The following MAGI2 variants were observed in gnomAD, a reference collection of about 807,000 sequenced individuals.
MAGI2 encodes membrane associated guanylate kinase, WW and PDZ domain containing 2, also known as membrane-associated guanylate kinase, WW and PDZ domain-containing protein 2.
A neutral mutation model predicts 133.3 loss-of-function variants in MAGI2; 35 were observed. The observed-to-expected ratio is 0.26, with a 90% CI of 0.20 to 0.35. The LOEUF (loss-of-function observed/expected upper bound fraction) is 0.35, where lower values mean the gene tolerates loss of function less well. Ranked by LOEUF, MAGI2 falls within the 10% of genes least tolerant of loss-of-function variation. MAGI2 has a pLI of 1.00. For synonymous variants in MAGI2, 729 were observed against 710.6 expected (o/e 1.03, Z -0.41); for missense variants, 1,636 against 1,863.4 (o/e 0.88, Z 2.25).
At chr7:78,768,101 G>C (rs1239280937) in intron 2 of MAGI2, among the ~76,000 whole-genome samples, 1 of 152,134 alleles carries the variant, frequency 6.6e-6, no homozygotes, top group African/African-American at 2.4e-5. Flanking sequence ...CACATTATCT[G>C]GTTTAAATAT....
intron 2 of MAGI2, among the ~76,000 whole-genome samples, chr7:78,792,456 TAA>T (rs2151372880): frequency 6.6e-6 from 1 of 152,254 alleles, no homozygotes; most frequent in South Asian, 2.1e-4. Context: ...CAAAAGATGA[TAA>T]AAGAGGCAAG....
chr7:78,158,658 A>G (rs1281098665), intron 16 of MAGI2, among the ~76,000 whole-genome samples: 1 of 152,188 alleles, frequency 6.6e-6, no homozygotes, highest in Non-Finnish European at 1.5e-5. Flanking sequence ...GGCCAAGCTA[A>G]CTTTGAGAAG....
intron 9 of MAGI2, among the ~76,000 whole-genome samples, chr7:78,321,612 A>G (rs1256845048): frequency 6.6e-6 from 1 of 152,220 alleles, no homozygotes; most frequent in African/African-American, 2.4e-5. Context: ...CTTATATAAA[A>G]ATTAACTCAA....
chr7:79,440,137 T>C (rs983051825), intron 1 of MAGI2, among the ~76,000 whole-genome samples: 5 of 152,012 alleles, frequency 3.3e-5, no homozygotes, highest in African/African-American at 9.7e-5. Context: ...CCCCTGGCTT[T>C]TCCTCAAACT....
At chr7:78,384,633 A>C (rs1795219062) in intron 6 of MAGI2, among the ~76,000 whole-genome samples, 1 of 152,330 alleles carries the variant, frequency 6.6e-6, no homozygotes, top group Admixed American at 6.5e-5. Flanking sequence ...CAGCCTTTTC[A>C]AATTTAATGA....
chr7:78,308,790 C>A (rs972990217), intron 9 of MAGI2, among the ~76,000 whole-genome samples: 1 of 152,160 alleles, frequency 6.6e-6, no homozygotes, highest in Non-Finnish European at 1.5e-5. Flanking sequence ...TTCAGGTTTT[C>A]ATCATATTAT....
At chr7:78,242,192 C>T (rs551899806) in intron 10 of MAGI2, among the ~76,000 whole-genome samples, 2 of 152,300 alleles carry the variant, frequency 1.3e-5, no homozygotes, top group East Asian at 3.9e-4. Context: ...AGGTACACCA[C>T]CCCTTCCTGG....
At chr7:79,396,290 C>T (rs1585830245) in intron 1 of MAGI2, among the ~76,000 whole-genome samples, 1 of 152,148 alleles carries the variant, frequency 6.6e-6, no homozygotes, top group East Asian at 1.9e-4. Flanking sequence ...TTTCCTTTCA[C>T]CTGGTGGATG....
At chr7:78,392,796 A>G (rs966991373) in intron 6 of MAGI2, among the ~76,000 whole-genome samples, 1 of 152,148 alleles carries the variant, frequency 6.6e-6, no homozygotes, top group Non-Finnish European at 1.5e-5. Context: ...GGCATGCGCC[A>G]CTGCACCTGG....
At chr7:79,045,207 T>A (rs1385955779) in intron 1 of MAGI2, among the ~76,000 whole-genome samples, 1 of 152,184 alleles carries the variant, frequency 6.6e-6, no homozygotes, top group African/African-American at 2.4e-5. Context: ...GATCAGTGGC[T>A]TCCTAGGGGT....
rs34097630 is a variant in MAGI2, at chr7:78,208,692, ATTTTT to A, written c.2048-7504_2048-7500del. On this transcript the variant is annotated intron_variant, in intron 10 of 21. Transcript: ENST00000354212. ...TTTTAAAAAATGGTGAATGTATAGCATTTTTTTTTTTTTTTGGGAAATCCATCTAG... is the reference window on the plus strand; with the variant it reads ...TTTTAAAAAATGGTGAATGTATAGCATTTTTTTTTTGGGAAATCCATCTAG... Among the ~76,000 whole-genome samples the A allele has an allele frequency of 1.7e-3, 250 of 147,850 alleles. 1 individual carries two copies. The highest frequency in any genetic ancestry group is 2.5e-3 in the Non-Finnish European group (166 of 66,866).
At chr7:78,531,322 T>C (rs925340444) in intron 3 of MAGI2, among the ~76,000 whole-genome samples, 13 of 151,634 alleles carry the variant, frequency 8.6e-5, no homozygotes, top group African/African-American at 2.9e-4. Flanking sequence ...CAAGCGATTC[T>C]CCTGCCTCAG....
chr7:78,594,610 A>G (rs1299941105), intron 3 of MAGI2, among the ~76,000 whole-genome samples: 1 of 152,122 alleles, frequency 6.6e-6, no homozygotes, highest in African/African-American at 2.4e-5. Flanking sequence ...GGCAAGCACC[A>G]CCATGCCCAG....
At chr7:78,996,110 A>T (rs1443264842) in intron 2 of MAGI2, among the ~76,000 whole-genome samples, 1 of 152,144 alleles carries the variant, frequency 6.6e-6, no homozygotes, top group Non-Finnish European at 1.5e-5. Context: ...CTGGCTGGAG[A>T]CCCACCAACC....
intron 3 of MAGI2, among the ~76,000 whole-genome samples, chr7:78,578,984 A>G (rs1199230477): frequency 6.6e-6 from 1 of 152,166 alleles, no homozygotes; most frequent in African/African-American, 2.4e-5. Context: ...CAATGCCTGG[A>G]AAACCCTCAC....
chr7:78,290,395 A>T (rs1199638472), intron 9 of MAGI2, among the ~76,000 whole-genome samples: 1 of 152,240 alleles, frequency 6.6e-6, no homozygotes, highest in Non-Finnish European at 1.5e-5. Context: ...AAGAAGAGCT[A>T]ACTATCCTAA....
chr7:78,190,698 G>T (rs918306307), intron 12 of MAGI2, among the ~76,000 whole-genome samples: 1 of 152,044 alleles, frequency 6.6e-6, no homozygotes, highest in African/African-American at 2.4e-5. Flanking sequence ...AGATGAGGGG[G>T]AGAAAACACT....
At position 79,379,829 on chromosome 7, in the gene MAGI2, C is replaced by T. The variant is rs567594738; in HGVS notation, c.301+73191G>A. ...GTTTTCTCATTATTTCTCCCCCCAACTTTTTTTTTTTTTACCCACTTGTTG... is the reference window on the plus strand; with the variant it reads ...GTTTTCTCATTATTTCTCCCCCCAATTTTTTTTTTTTTTACCCACTTGTTG... On this transcript the variant is annotated intron_variant, in intron 1 of 21. Coordinates refer to ENST00000354212, the MANE Select transcript of MAGI2 (RefSeq NM_012301.4). Among the ~76,000 whole-genome samples the T allele has an allele frequency of 2.0e-4, 28 of 142,830 alleles. No individual in the cohort carries two copies. In the South Asian group the frequency reaches 6.2e-3, roughly 32 times the overall value. The allele number at this position is 142,830 out of a possible 152,430, so 93.7% of individuals were successfully genotyped here.
At chr7:78,358,506 C>T (rs564837829) in intron 7 of MAGI2, 8 of 155,554 alleles carry the variant, frequency 5.1e-5, no homozygotes, top group East Asian at 3.8e-4. Context: ...CCACCCGCCC[C>T]GCCATTCCTG....
Sources: allele counts gnomAD v4.1 joint callset (sites outside exome capture counted in the v4.1 genomes callset), GRCh38; gene constraint gnomAD v4.1.1; transcripts MANE v1.5; gene names NCBI Gene and HGNC (gene_info 2026-07-23, HGNC 2026-07-21).